GRIK1: variants seen among roughly 807,000 people sequenced by gnomAD.
GRIK1 encodes the protein glutamate ionotropic receptor kainate type subunit 1, also known as glutamate receptor ionotropic, kainate 1.
A neutral mutation model predicts 105.7 loss-of-function variants in GRIK1; 69 were observed. That is an observed-to-expected ratio of 0.65 (90% confidence interval 0.54 to 0.80). The LOEUF (loss-of-function observed/expected upper bound fraction) is 0.80, where lower values mean the gene tolerates loss of function less well. GRIK1 is among the 30% of genes least tolerant of loss of function. GRIK1 has a pLI of 0.00. For missense variants in GRIK1, 1,109 were observed against 1,167.3 expected, an observed-to-expected ratio of 0.95 and a Z score of 0.73; for synonymous variants, 438 against 431.3, an observed-to-expected ratio of 1.02 and a Z score of -0.19.
At chr21:29,797,812 A>T (rs2066598808) in intron 1 of GRIK1, among the ~76,000 whole-genome samples, 1 of 152,214 alleles carries the variant, frequency 6.6e-6, no homozygotes, top group African/African-American at 2.4e-5. Flanking sequence ...TTATCAAAAA[A>T]GTACAACGTT....
intron 1 of GRIK1, among the ~76,000 whole-genome samples, chr21:29,902,733 G>A (rs1178440904): frequency 6.6e-6 from 1 of 152,124 alleles, no homozygotes; most frequent in Non-Finnish European, 1.5e-5. Context: ...GTAATTTATA[G>A]ACTCAATGCT....
At chr21:29,916,656 G>A (rs962816662) in intron 1 of GRIK1, among the ~76,000 whole-genome samples, 4 of 151,886 alleles carry the variant, frequency 2.6e-5, no homozygotes, top group African/African-American at 9.7e-5. Context: ...GCAACAAACA[G>A]TTCTCTTGAT....
At chr21:29,630,660 C>T (rs565017255) in intron 7 of GRIK1, 72 of 465,664 alleles carry the variant, frequency 1.5e-4, no homozygotes, top group African/African-American at 1.2e-3. Flanking sequence ...TTCTCAGCTT[C>T]GTGGACCCTG....
At chr21:29,606,764 T>A (rs894048160) in intron 7 of GRIK1, among the ~76,000 whole-genome samples, 1 of 151,766 alleles carries the variant, frequency 6.6e-6, no homozygotes, top group Admixed American at 6.6e-5. Flanking sequence ...CAACAAACTT[T>A]ACTTCTGCTG....
chr21:29,572,216 G>A lies in GRIK1; in HGVS notation c.2130+4748C>T, dbSNP rs557185706. On this transcript the variant is annotated intron_variant, in intron 14 of 17. Transcript: ENST00000327783. ...AATAATCCAGCTTAAGAACCTGAGT[G>A]TACATCCCTCTGACGCTTTCTGACA... 3.3e-5 allele frequency among the ~76,000 whole-genome samples: 5 copies of A among 152,202 alleles called. 1 individual carries two copies. In the South Asian group the frequency reaches 1.0e-3, roughly 32 times the overall value.
intron 1 of GRIK1, among the ~76,000 whole-genome samples, chr21:29,895,111 AAGAATATTGACAAGCCTTGGAGTT>A (rs2070084598): frequency 6.6e-6 from 1 of 152,158 alleles, no homozygotes; most frequent in Non-Finnish European, 1.5e-5. Context: ...ATATTTAAGT[AAGAATATTGACAAGCCTTGGAGTT>A]AGAGGCTGAC....
At chr21:29,899,753 G>C (rs1205862363) in intron 1 of GRIK1, among the ~76,000 whole-genome samples, 1 of 151,938 alleles carries the variant, frequency 6.6e-6, no homozygotes, top group Non-Finnish European at 1.5e-5. Context: ...CTTGTGCCAG[G>C]GCTGCCCCAG....
At chr21:29,739,051 G>A (rs987155791) in intron 1 of GRIK1, among the ~76,000 whole-genome samples, 4 of 152,196 alleles carry the variant, frequency 2.6e-5, no homozygotes, top group Non-Finnish European at 5.9e-5. Context: ...TAGGGGTACA[G>A]GAGTGAAAAA....
At chr21:29,812,593 T>G (rs939835209) in intron 1 of GRIK1, among the ~76,000 whole-genome samples, 4 of 152,176 alleles carry the variant, frequency 2.6e-5, no homozygotes, top group Admixed American at 6.5e-5. Flanking sequence ...GTTCCAAACT[T>G]GTGTTCTATT....
chr21:29,745,088 A>T (rs1352749113), intron 1 of GRIK1, among the ~76,000 whole-genome samples: 1 of 152,142 alleles, frequency 6.6e-6, no homozygotes, highest in Non-Finnish European at 1.5e-5. Context: ...TTGATTATAG[A>T]GGACTGTGAC....
At chr21:29,932,948 A>T (rs1198803050) in intron 1 of GRIK1, among the ~76,000 whole-genome samples, 1 of 151,870 alleles carries the variant, frequency 6.6e-6, no homozygotes, top group African/African-American at 2.4e-5. Context: ...AAGAAAAGTA[A>T]AATGGCTCCA....
intron 1 of GRIK1, among the ~76,000 whole-genome samples, chr21:29,695,708 C>T (rs554556374): frequency 1.9e-4 from 29 of 152,050 alleles, no homozygotes; most frequent in South Asian, 2.1e-4. Context: ...CTCCTGACTT[C>T]GTGATCTGCC....
At chr21:29,883,327 C>A (rs2146191571) in intron 1 of GRIK1, among the ~76,000 whole-genome samples, 1 of 152,036 alleles carries the variant, frequency 6.6e-6, no homozygotes, top group South Asian at 2.1e-4. Flanking sequence ...GCTGGTGAGT[C>A]AAATAAAAAT....
chr21:29,889,936 G>C lies in GRIK1; in HGVS notation c.118+49447C>G, dbSNP rs73345464. 5.4e-3 allele frequency among the ~76,000 whole-genome samples: 820 copies of C among 152,006 alleles called. 4 individuals are homozygous for C. Among genetic ancestry groups the C allele is most frequent in the African/African-American group, 0.016 (660 of 41,510 alleles). Reference sequence around the variant, plus strand: ...TTAATAATATTTATTTTGAATAACTGTGTCCTTTGTAGAGTTGTTCTGAAA... The same window carrying C: ...TTAATAATATTTATTTTGAATAACTCTGTCCTTTGTAGAGTTGTTCTGAAA... On this transcript the variant is annotated intron_variant, in intron 1 of 17. Coordinates refer to ENST00000327783, the MANE Select transcript of GRIK1 (RefSeq NM_001330994.2).
chr21:29,817,329 A>G (rs2067180795), intron 1 of GRIK1, among the ~76,000 whole-genome samples: 1 of 152,152 alleles, frequency 6.6e-6, no homozygotes, highest in Non-Finnish European at 1.5e-5. Flanking sequence ...AAATTGATTA[A>G]AGTACAGCGT....
At position 29,829,652 on chromosome 21, in the gene GRIK1, T is replaced by A. The variant is rs1054220102; in HGVS notation, c.118+109731A>T. ...CAGAAACACAATGAGCTGATGCAGATGAATTTAAGAAGCCTTTGAGGACCT... is the reference window on the plus strand; with the variant it reads ...CAGAAACACAATGAGCTGATGCAGAAGAATTTAAGAAGCCTTTGAGGACCT... On this transcript the variant is annotated intron_variant, in intron 1 of 17. Coordinates refer to ENST00000327783, the MANE Select transcript of GRIK1 (RefSeq NM_001330994.2). Among the ~76,000 whole-genome samples, 9 of 152,300 alleles carry A rather than the reference T, an allele frequency of 5.9e-5. No individual in the cohort carries two copies. In the East Asian group the frequency reaches 1.2e-3, roughly 20 times the overall value.
chr21:29,920,280 T>C (rs1056859288), intron 1 of GRIK1, among the ~76,000 whole-genome samples: 2 of 152,074 alleles, frequency 1.3e-5, no homozygotes. Flanking sequence ...TTCCCATTAT[T>C]AGAAAGGGCT....
At chr21:29,585,211 T>C (rs1198475345) in intron 12 of GRIK1, among the ~76,000 whole-genome samples, 1 of 152,034 alleles carries the variant, frequency 6.6e-6, no homozygotes, top group East Asian at 1.9e-4. Flanking sequence ...GCATTGATGG[T>C]GGTAGTGGGG....
At chr21:29,925,107 G>A (rs898000840) in intron 1 of GRIK1, among the ~76,000 whole-genome samples, 3 of 152,232 alleles carry the variant, frequency 2.0e-5, no homozygotes, top group African/African-American at 7.2e-5. Context: ...TCATAGAGTT[G>A]TATTGAGCAT....
Sources: gnomAD v4.1 joint callset for allele counts (sites outside exome capture counted in the v4.1 genomes callset) on GRCh38, gnomAD v4.1.1 for gene constraint, MANE v1.5 for transcripts, NCBI Gene and HGNC (gene_info 2026-07-23, HGNC 2026-07-21) for gene names.